LRP1B: variants seen among roughly 807,000 people sequenced by gnomAD.
The protein encoded by LRP1B is LDL receptor related protein 1B, also known as low-density lipoprotein receptor-related protein 1B.
LRP1B carries 217 observed loss-of-function variants against 556.6 expected under a neutral mutation model. The ratio of observed to expected loss-of-function variants is 0.39; its 90% confidence interval spans 0.35 to 0.44. LRP1B has a LOEUF of 0.44. LRP1B is among the 20% of genes least tolerant of loss of function. LRP1B has a pLI of 1.00. For missense variants in LRP1B, 5,053 were observed against 5,620.8 expected (o/e 0.90, Z 3.23); for synonymous variants, 2,047 against 1,865.8 (o/e 1.10, Z -2.50).
At chr2:140,790,597 TA>T (rs1169385269) in intron 32 of LRP1B, among the ~76,000 whole-genome samples, 2 of 152,174 alleles carry the variant, frequency 1.3e-5, no homozygotes, top group African/African-American at 4.8e-5. Context: ...TCAGCCTTGG[TA>T]AATGGGGACA....
At chr2:141,268,537 A>G (rs1022748090) in intron 3 of LRP1B, among the ~76,000 whole-genome samples, 1 of 152,190 alleles carries the variant, frequency 6.6e-6, no homozygotes, top group Non-Finnish European at 1.5e-5. Flanking sequence ...AAATCGTGCA[A>G]CATGGAGGCT....
intron 41 of LRP1B, among the ~76,000 whole-genome samples, chr2:140,691,242 C>T (rs1031146486): frequency 2.6e-5 from 4 of 151,944 alleles, no homozygotes; most frequent in Admixed American, 6.6e-5. Context: ...GAGGCCAAGG[C>T]GAGTGGATCA....
At chr2:141,518,703 C>T (rs894411986) in intron 2 of LRP1B, among the ~76,000 whole-genome samples, 15 of 152,104 alleles carry the variant, frequency 9.9e-5, no homozygotes, top group African/African-American at 2.9e-4. Flanking sequence ...AATCCCAACA[C>T]TTTGGGACGC....
At chr2:141,066,954 T>C (rs1699497176) in intron 7 of LRP1B, among the ~76,000 whole-genome samples, 1 of 152,008 alleles carries the variant, frequency 6.6e-6, no homozygotes, top group Non-Finnish European at 1.5e-5. Flanking sequence ...CCTCCATGTT[T>C]ATTAATTTAT....
At chr2:141,208,854 G>A (rs1682406045) in intron 6 of LRP1B, among the ~76,000 whole-genome samples, 2 of 102,588 alleles carry the variant, frequency 1.9e-5, no homozygotes, top group African/African-American at 7.9e-5. Context: ...GGGCAATAAA[G>A]CGAGATTCTG....
chr2:141,902,707 T>C (rs1699654979), intron 1 of LRP1B, among the ~76,000 whole-genome samples: 1 of 131,298 alleles, frequency 7.6e-6, no homozygotes, highest in African/African-American at 2.5e-5. Flanking sequence ...ACAAATGTAG[T>C]TGTGTCTTAT....
At chr2:141,120,322 C>T (rs1701015469) in intron 7 of LRP1B, among the ~76,000 whole-genome samples, 1 of 151,778 alleles carries the variant, frequency 6.6e-6, no homozygotes, top group Non-Finnish European at 1.5e-5. Flanking sequence ...TGACTTTTGT[C>T]TATTAATTTT....
At chr2:141,700,752 C>T (rs1691913798) in intron 2 of LRP1B, among the ~76,000 whole-genome samples, 3 of 151,844 alleles carry the variant, frequency 2.0e-5, no homozygotes, top group East Asian at 2.0e-4. Context: ...TTTCCATCCT[C>T]CTTTAAGGAG....
chr2:141,009,189 C>CTT (rs746428898), intron 14 of LRP1B, among the ~76,000 whole-genome samples: 1 of 144,280 alleles, frequency 6.9e-6, no homozygotes, highest in Non-Finnish European at 1.5e-5. Flanking sequence ...TGGGGATTCT[C>CTT]TTTTTTTTTT....
At chr2:140,348,929 A>T (rs1308123780) in intron 77 of LRP1B, among the ~76,000 whole-genome samples, 4 of 152,116 alleles carry the variant, frequency 2.6e-5, no homozygotes, top group Non-Finnish European at 5.9e-5. Context: ...CAATTTACTT[A>T]TGAATAGAGT....
intron 3 of LRP1B, among the ~76,000 whole-genome samples, chr2:141,439,598 C>T (rs1680884933): frequency 6.6e-6 from 1 of 151,940 alleles, no homozygotes; most frequent in Non-Finnish European, 1.5e-5. Context: ...TGCCATGGCA[C>T]AATAGGTCAA....
At chr2:140,827,379 A>G (rs1021902199) in intron 31 of LRP1B, among the ~76,000 whole-genome samples, 5 of 152,114 alleles carry the variant, frequency 3.3e-5, no homozygotes, top group Admixed American at 1.3e-4. Context: ...TAACATGGAA[A>G]ATCAATTCAG....
intron 16 of LRP1B, 67 bp from the exon 17 acceptor site, chr2:140,989,724 T>C (rs1429366): frequency 0.37 from 553,551 of 1,514,060 alleles, 105,154 homozygotes; most frequent in East Asian, 0.6. Flanking sequence ...TTTTGAATGA[T>C]AGTTACAGAA....
chr2:140,689,241 C>T (rs766478781), intron 41 of LRP1B, among the ~76,000 whole-genome samples: 10 of 152,132 alleles, frequency 6.6e-5, no homozygotes, highest in Non-Finnish European at 1.5e-4. Flanking sequence ...ATAACAATAG[C>T]TGAGTCTTGT....
At position 140,335,603 on chromosome 2, in the gene LRP1B, C is replaced by T. The variant is rs1175577448; in HGVS notation, c.12116+12G>A. 2.1e-6 allele frequency: 3 copies of T among 1,445,594 alleles called. No individual in the cohort carries two copies. Among genetic ancestry groups the T allele is most frequent in the Non-Finnish European group, 2.9e-6 (3 of 1,026,944 alleles). 89.5% of individuals were successfully genotyped at this position (1,445,594 alleles called of 1,614,324 possible). A position where few individuals can be genotyped will look rare whatever the true frequency, so the allele number is the denominator to read the frequency against. ...ATTATCAAGAAATAGAAATACTAAG[C>T]CATTAACCTACCCTCTTTTAGGATT... On this transcript the variant is annotated intron_variant, in intron 78 of 90. Coordinates refer to ENST00000389484, the MANE Select transcript of LRP1B (RefSeq NM_018557.3).
intron 15 of LRP1B, among the ~76,000 whole-genome samples, chr2:140,994,607 A>C (rs1351329897): frequency 6.6e-6 from 1 of 152,002 alleles, no homozygotes; most frequent in Non-Finnish European, 1.5e-5. Context: ...CTGAGAGTAG[A>C]TTGCAGGTGT....
intron 2 of LRP1B, among the ~76,000 whole-genome samples, chr2:141,670,191 C>A (rs1690610500): frequency 6.6e-6 from 1 of 152,148 alleles, no homozygotes; most frequent in Non-Finnish European, 1.5e-5. Flanking sequence ...TTTTATACCC[C>A]TCAGCCTCTT....
Position 140,700,165 on chromosome 2 carries a change from G to A in LRP1B, c.6799+85C>T, listed in dbSNP as rs76186254. ...ATATAAAATCTAGGAAAATGTAATT[G>A]CTACATGCAATTACCACTATTATTT... On this transcript the variant is annotated intron_variant, in intron 41 of 90. Coordinates refer to ENST00000389484, the MANE Select transcript of LRP1B (RefSeq NM_018557.3). 9,375 of 1,199,210 alleles carry A rather than the reference G, an allele frequency of 7.8e-3. 193 individuals carry two copies. The highest frequency in any genetic ancestry group is 0.045 in the South Asian group (3,291 of 72,654). The allele number at this position is 1,199,210 out of a possible 1,614,324, so 74.3% of individuals were successfully genotyped here.
intron 41 of LRP1B, among the ~76,000 whole-genome samples, chr2:140,664,104 G>GT (rs2105345428): frequency 6.6e-6 from 1 of 152,122 alleles, no homozygotes; most frequent in African/African-American, 2.4e-5. Context: ...TGCAGTTTGT[G>GT]GTGCCTCAAA....
Sources: gnomAD v4.1 joint callset for allele counts (sites outside exome capture counted in the v4.1 genomes callset) on GRCh38, gnomAD v4.1.1 for gene constraint, MANE v1.5 for transcripts, NCBI Gene and HGNC (gene_info 2026-07-23, HGNC 2026-07-21) for gene names.